The following VPS45 variants were observed in gnomAD, a reference collection of about 807,000 sequenced individuals.
The protein encoded by VPS45 is vacuolar protein sorting 45 homolog, also known as vacuolar protein sorting-associated protein 45.
A neutral mutation model predicts 75.9 loss-of-function variants in VPS45; 35 were observed. The ratio of observed to expected loss-of-function variants is 0.46; its 90% confidence interval spans 0.35 to 0.61. The LOEUF (loss-of-function observed/expected upper bound fraction) is 0.61. Among genes scored for constraint, VPS45 ranks in the 20% least tolerant of loss-of-function variants. The pLI, the probability that VPS45 is intolerant of heterozygous loss-of-function variation, is 0.00. For missense variants in VPS45, 559 were observed against 685.9 expected (o/e 0.81, Z 2.07); for synonymous variants, 220 against 238.2 (o/e 0.92, Z 0.70).
chr1:150,122,988 C>CAAAAA (rs111687152), intron 14 of VPS45, among the ~76,000 whole-genome samples: 4 of 126,504 alleles, frequency 3.2e-5, no homozygotes, highest in African/African-American at 5.9e-5. Context: ...AACTCCTTCT[C>CAAAAA]AAAAAAAAAA....
At chr1:150,140,386 G>GTGTGT (rs1553815015) in intron 14 of VPS45, among the ~76,000 whole-genome samples, 11 of 140,346 alleles carry the variant, frequency 7.8e-5, no homozygotes, top group African/African-American at 2.7e-4. Context: ...CATCACTTCT[G>GTGTGT]GTGTGTGTGT....
intron 14 of VPS45, among the ~76,000 whole-genome samples, chr1:150,141,278 A>G (rs1053878713): frequency 6.6e-6 from 1 of 152,158 alleles, no homozygotes; most frequent in East Asian, 1.9e-4. Context: ...TTTAATTATT[A>G]TAACACTATT....
chr1:150,093,769 A>G (rs1553802542), intron 13 of VPS45, 121 bp downstream of exon 13: 3 of 1,298,242 alleles, frequency 2.3e-6, no homozygotes, highest in Non-Finnish European at 3.1e-6. Flanking sequence ...TTCTGTTAAG[A>G]TTCTTTTGGT....
intron 13 of VPS45, among the ~76,000 whole-genome samples, chr1:150,108,152 G>A (rs995008800): frequency 3.3e-5 from 5 of 152,194 alleles, no homozygotes; most frequent in African/African-American, 1.2e-4. Context: ...GATTTAAAAT[G>A]TGTTGAATTG....
At chr1:150,081,686 T>C (rs1011289249) in intron 8 of VPS45, among the ~76,000 whole-genome samples, 198 bp from the exon 9 acceptor site, 1 of 152,196 alleles carries the variant, frequency 6.6e-6, no homozygotes. Context: ...AGTTATTTAC[T>C]TCTCTCCCCT....
chr1:150,106,620 G>T (rs1361255438), intron 13 of VPS45, among the ~76,000 whole-genome samples: 1 of 151,894 alleles, frequency 6.6e-6, no homozygotes, highest in Non-Finnish European at 1.5e-5. Flanking sequence ...TCTTGCTCTC[G>T]CTCTTGCTCT....
intron 1 of VPS45, 42 bp downstream of exon 1, chr1:150,067,992 A>G (rs1654821339): frequency 6.4e-7 from 1 of 1,570,004 alleles, no homozygotes; most frequent in Non-Finnish European, 8.8e-7. Context: ...GAACCCTCTC[A>G]ACCTTACAAT....
intron 1 of VPS45, 145 bp from the exon 2 acceptor site, chr1:150,068,485 C>T (rs1194815619): frequency 3.0e-6 from 2 of 666,116 alleles, no homozygotes; most frequent in Non-Finnish European, 2.2e-6. Flanking sequence ...ATGTTACCTA[C>T]CTGTTTGGAT....
chr1:150,138,450 G>A (rs1553814455), intron 14 of VPS45, among the ~76,000 whole-genome samples: 2 of 151,976 alleles, frequency 1.3e-5, no homozygotes, highest in Non-Finnish European at 2.9e-5. Flanking sequence ...TCAGTCTCAC[G>A]GCTTTAAGTT....
chr1:150,093,628 C>T lies in VPS45; in HGVS notation c.1473C>T (p.Gly491=), dbSNP rs142640111. The change falls in exon 13 of 15, where the codon GGC becomes GGT. Residue 491 remains glycine (G), a synonymous_variant. Coordinates refer to ENST00000644510, the MANE Select transcript of VPS45 (RefSeq NM_007259.5). ...AGGAAAACCTATATCCTTATTTAGG[C>T]CCCAGCACACTCAGAGACAGGTAAG... The part of the protein sequence containing the change: ...RLKENLYPYL[G]PSTLRDRPQD... 68 of 1,612,702 alleles carry T rather than the reference C, an allele frequency of 4.2e-5. No homozygotes were observed. The highest frequency in any genetic ancestry group is 5.5e-5 in the Non-Finnish European group (65 of 1,179,446).
chr1:150,110,520 A>G lies in VPS45; in HGVS notation c.1518A>G (p.Val506=). 1.2e-6 allele frequency: 2 copies of G among 1,613,080 alleles called. No individual in the cohort carries two copies. Among genetic ancestry groups the G allele is most frequent in the Non-Finnish European group, 1.7e-6 (2 of 1,179,500 alleles). ...RDRPQDIIVF[V]IGGATYEEAL... is the part of the protein sequence containing the mutation. ...GACCTCAGGATATCATTGTGTTTGTAATTGGAGGAGCCACCTATGAAGAGG... is the reference window on the plus strand; with the variant it reads ...GACCTCAGGATATCATTGTGTTTGTGATTGGAGGAGCCACCTATGAAGAGG... The change falls in exon 14 of 15, where the codon GTA becomes GTG. Residue 506 remains valine (V), a synonymous_variant. Coordinates refer to ENST00000644510, the MANE Select transcript of VPS45 (RefSeq NM_007259.5).
rs1655788033 is a variant in VPS45 at position 150,082,781 on chromosome 1, G to C, written c.1002G>C (p.Val334=). 3 of 1,614,030 alleles carry C rather than the reference G, an allele frequency of 1.9e-6. No individual in the cohort carries two copies. The highest frequency in any genetic ancestry group is 8.5e-7 in the Non-Finnish European group (1 of 1,180,038). Residue 334 remains valine (V), a synonymous_variant, in exon 10 of 15, where the codon GTG becomes GTC. Coordinates refer to ENST00000644510, the MANE Select transcript of VPS45 (RefSeq NM_007259.5). ...MSGTVSKHVT[V]VGELSRLVSE... The stretch of plus-strand genomic sequence containing the variant: ...GGACTGTTTCAAAGCATGTGACAGT[G>C]GTTGGAGAACTGTCTCGATTGGTCA...
At chr1:150,073,771 T>C (rs1655211235) in intron 3 of VPS45, among the ~76,000 whole-genome samples, 1 of 152,154 alleles carries the variant, frequency 6.6e-6, no homozygotes, top group Non-Finnish European at 1.5e-5. Context: ...ACAGTCAGGA[T>C]ACACAACATT....
chr1:150,070,366 A>C (rs1367133769), intron 2 of VPS45, among the ~76,000 whole-genome samples: 1 of 152,156 alleles, frequency 6.6e-6, no homozygotes, highest in Non-Finnish European at 1.5e-5. Flanking sequence ...CAATTGTTTC[A>C]TGTTTGTAGC....
intron 3 of VPS45, among the ~76,000 whole-genome samples, chr1:150,074,685 A>G (rs1348036420): frequency 6.6e-6 from 1 of 152,094 alleles, no homozygotes; most frequent in Non-Finnish European, 1.5e-5. Flanking sequence ...ACCGCACCGA[A>G]CTTTTAAAGA....
intron 13 of VPS45, among the ~76,000 whole-genome samples, chr1:150,102,520 G>T (rs1192702337): frequency 1.4e-5 from 2 of 146,846 alleles, no homozygotes; most frequent in Non-Finnish European, 3.0e-5. Flanking sequence ...TTGCATTCCA[G>T]CCTGGGCAAT....
At chr1:150,144,085 C>T (rs1239392352) in intron 14 of VPS45, among the ~76,000 whole-genome samples, 1 of 150,110 alleles carries the variant, frequency 6.7e-6, no homozygotes, top group Non-Finnish European at 1.5e-5. Flanking sequence ...GAGTATACAA[C>T]AGGATATAAT....
intron 14 of VPS45, among the ~76,000 whole-genome samples, chr1:150,134,024 C>T (rs1658955269): frequency 6.6e-6 from 1 of 152,026 alleles, no homozygotes; most frequent in Non-Finnish European, 1.5e-5. Context: ...ATCAGGTGGC[C>T]AGTACTAAGG....
At chr1:150,111,566 G>T (rs1657652098) in intron 14 of VPS45, among the ~76,000 whole-genome samples, 1 of 152,164 alleles carries the variant, frequency 6.6e-6, no homozygotes, top group African/African-American at 2.4e-5. Flanking sequence ...AAGAGGAAAA[G>T]ACTGGAGAAC....
Sources: gnomAD v4.1 joint callset for allele counts (sites outside exome capture counted in the v4.1 genomes callset) on GRCh38, gnomAD v4.1.1 for gene constraint, MANE v1.5 for transcripts, NCBI Gene and HGNC (gene_info 2026-07-23, HGNC 2026-07-21) for gene names.